Variants in CACNA1C observed in about 807,000 individuals in gnomAD.
CACNA1C encodes calcium voltage-gated channel subunit alpha1 C.
A neutral mutation model predicts 229.0 loss-of-function variants in CACNA1C; 30 were observed. The ratio of observed to expected loss-of-function variants is 0.13; its 90% CI spans 0.10 to 0.18. The LOEUF is 0.18. CACNA1C is among the 10% of genes least tolerant of loss of function. CACNA1C has a pLI of 1.00. For synonymous variants in CACNA1C, 1,114 were observed against 1,132.5 expected (o/e 0.98, Z 0.33); for missense variants, 1,658 against 2,845.0 (o/e 0.58, Z 9.49).
At chr12:1,972,761 A>G (rs2032857145) in intron 1 of CACNA1C, among the ~76,000 whole-genome samples, 1 of 152,186 alleles carries the variant, frequency 6.6e-6, no homozygotes, top group South Asian at 2.1e-4. Flanking sequence ...TTTTTAAACC[A>G]AAGTTCATAT....
intron 3 of CACNA1C, among the ~76,000 whole-genome samples, chr12:2,375,356 C>T (rs958576088): frequency 1.3e-5 from 2 of 152,090 alleles, no homozygotes; most frequent in Non-Finnish European, 2.9e-5. Context: ...GAATGATGCC[C>T]GGTGTCGTGG....
chr12:2,147,461 T>TAA (rs1235578203), intron 3 of CACNA1C, among the ~76,000 whole-genome samples: 1 of 151,312 alleles, frequency 6.6e-6, no homozygotes, highest in Non-Finnish European at 1.5e-5. Context: ...CTAGCTTTAT[T>TAA]GGTATTGGGG....
chr12:2,550,098 C>A, intron 10 of CACNA1C, 65 bp downstream of exon 10: 2 of 1,119,478 alleles, frequency 1.8e-6, no homozygotes, highest in Non-Finnish European at 2.6e-6. Flanking sequence ...AAAGCTGCAT[C>A]TGGAAATCAC....
At chr12:2,057,113 C>A (rs1020702274) in intron 1 of CACNA1C, among the ~76,000 whole-genome samples, 2 of 152,222 alleles carry the variant, frequency 1.3e-5, no homozygotes, top group African/African-American at 4.8e-5. Flanking sequence ...CCCCGTGGGA[C>A]CATCTCTCAG....
rs1412628097 is a variant in CACNA1C at position 2,034,507 on chromosome 12, G to C, written c.139+63306G>C. ...CTCAGGCAGAGGCTGAGGTACTAAG[G>C]TTGAGGGTACTGTGGTGGGTATTTA... is the stretch of plus-strand genomic sequence containing the variant. On this transcript the variant is annotated intron_variant, in intron 1 of 46. Transcript: ENST00000682462. This position sits in a 1 kb window ranked among gnomAD's most constrained non-coding sequence, Gnocchi z 4.1. Among the ~76,000 whole-genome samples the C allele has an allele frequency of 6.6e-6, 1 of 152,236 alleles. No homozygotes were observed. Among genetic ancestry groups the C allele is most frequent in the Non-Finnish European group, 1.5e-5 (1 of 68,048 alleles).
At chr12:2,279,916 G>A (rs1223098253) in intron 3 of CACNA1C, among the ~76,000 whole-genome samples, 1 of 152,204 alleles carries the variant, frequency 6.6e-6, no homozygotes, top group Non-Finnish European at 1.5e-5. Flanking sequence ...TTGGGTATCT[G>A]TGGGGCAGGA....
At chr12:2,427,603 A>C (rs557578991) in intron 3 of CACNA1C, among the ~76,000 whole-genome samples, 1 of 152,148 alleles carries the variant, frequency 6.6e-6, no homozygotes, top group African/African-American at 2.4e-5. Flanking sequence ...TGTCAGGCAT[A>C]TTTTATTTTA....
chr12:2,602,022 C>A lies in CACNA1C; in HGVS notation c.2960+62C>A. ...AGCTAGCAAGGGGTGCCAGAGAGGA[C>A]AACCAGACCCTGGAGGGCCTGCCTG... On this transcript the variant is annotated intron_variant, in intron 22 of 46. Coordinates refer to ENST00000399655, the MANE Select transcript of CACNA1C (RefSeq NM_000719.7). The surrounding 1 kb of genome is among the most constrained non-coding windows in gnomAD (Gnocchi z 4.4). The A allele has an allele frequency of 8.9e-7, 1 of 1,127,048 alleles. No individual in the cohort carries two copies. Among genetic ancestry groups the A allele is most frequent in the Non-Finnish European group, 1.4e-6 (1 of 738,056 alleles). 69.8% of individuals were successfully genotyped at this position (1,127,048 alleles called of 1,614,324 possible). A position where few individuals can be genotyped will look rare whatever the true frequency, so the allele number is the denominator to read the frequency against.
chr12:2,570,856 A>C (rs764454311), intron 13 of CACNA1C, among the ~76,000 whole-genome samples: 5 of 152,194 alleles, frequency 3.3e-5, no homozygotes, highest in Non-Finnish European at 7.3e-5. Context: ...CACGATTAAA[A>C]TCCAGAAGTT....
At chr12:2,228,529 G>A (rs1185445124) in intron 3 of CACNA1C, among the ~76,000 whole-genome samples, 3 of 152,242 alleles carry the variant, frequency 2.0e-5, no homozygotes, top group Non-Finnish European at 2.9e-5. Context: ...CTGAGTTTTC[G>A]TTCTCCTAAG....
At chr12:2,382,500 G>A (rs774153792) in intron 3 of CACNA1C, among the ~76,000 whole-genome samples, 1 of 152,178 alleles carries the variant, frequency 6.6e-6, no homozygotes, top group Non-Finnish European at 1.5e-5. Flanking sequence ...ACCAAAGGCA[G>A]CCACAGCACA....
rs113922143 is a variant in CACNA1C at position 2,123,793 on chromosome 12, T to G, written c.477+3363T>G. Among the ~76,000 whole-genome samples the G allele has an allele frequency of 3.9e-5, 6 of 152,350 alleles. 1 individual carries two copies. Among genetic ancestry groups the G allele is most frequent in the African/African-American group, 1.4e-4 (6 of 41,600 alleles). On this transcript the variant is annotated intron_variant, in intron 3 of 46. Transcript: ENST00000399655. ...TGTATCACATTTAGCTTTCTTTCTA[T>G]TCTCAAAGTCATTTGTTCAGACTTC...
At chr12:2,195,400 ATC>A (rs1472867739) in intron 3 of CACNA1C, among the ~76,000 whole-genome samples, 2 of 152,202 alleles carry the variant, frequency 1.3e-5, no homozygotes, top group Non-Finnish European at 2.9e-5. Flanking sequence ...CACTGGGCAA[ATC>A]TCTGGGCCTC....
At chr12:2,553,627 AAG>A (rs1298348875) in intron 10 of CACNA1C, among the ~76,000 whole-genome samples, 2 of 152,242 alleles carry the variant, frequency 1.3e-5, no homozygotes, top group African/African-American at 4.8e-5. Context: ...GAGCACTAAA[AAG>A]AGACAGCGGC....
At chr12:2,043,643 T>C (rs1472330440) in intron 1 of CACNA1C, among the ~76,000 whole-genome samples, 4 of 48,980 alleles carry the variant, frequency 8.2e-5, no homozygotes, top group Admixed American at 6.6e-4. Flanking sequence ...CAGAATATTC[T>C]TTTTTTTTTT....
At chr12:2,025,271 G>T (rs144945283) in intron 1 of CACNA1C, among the ~76,000 whole-genome samples, 4 of 152,298 alleles carry the variant, frequency 2.6e-5, no homozygotes, top group African/African-American at 9.6e-5. Flanking sequence ...ATGGTTCTGC[G>T]TTCCACAGAA....
chr12:2,591,170 C>T (rs536243955), intron 18 of CACNA1C, among the ~76,000 whole-genome samples: 1 of 152,238 alleles, frequency 6.6e-6, no homozygotes, highest in Admixed American at 6.5e-5. Flanking sequence ...TCCCTAAATG[C>T]TTGAATGCTT....
intron 3 of CACNA1C, among the ~76,000 whole-genome samples, chr12:2,270,753 C>G (rs1369965437): frequency 6.6e-6 from 1 of 152,206 alleles, no homozygotes; most frequent in Non-Finnish European, 1.5e-5. Flanking sequence ...CACCTCCATC[C>G]TGATGCCACA....
chr12:2,448,345 G>A (rs1032395143), intron 3 of CACNA1C, among the ~76,000 whole-genome samples: 4 of 152,204 alleles, frequency 2.6e-5, no homozygotes, highest in Non-Finnish European at 5.9e-5. Flanking sequence ...AATGTTCGAC[G>A]TCTTTGGACA....
Sources: gnomAD v4.1 joint callset for allele counts (sites outside exome capture counted in the v4.1 genomes callset) on GRCh38, gnomAD v4.1.1 for gene constraint, Gnocchi (gnomAD v3.1) non-coding constraint, MANE v1.5 for transcripts, NCBI Gene and HGNC (gene_info 2026-07-23, HGNC 2026-07-21) for gene names.